UVSSA: variants seen among roughly 807,000 people sequenced by gnomAD.
The protein encoded by UVSSA is UV stimulated scaffold protein A.
A neutral mutation model predicts 73.9 loss-of-function variants in UVSSA; 72 were observed. That is an observed-to-expected ratio of 0.97 (90% confidence interval 0.81 to 1.19). The LOEUF is 1.19. Among genes scored for constraint, UVSSA ranks in the 50% most tolerant of loss-of-function variants. UVSSA has a pLI of 0.00. For missense variants in UVSSA, 1,150 were observed against 965.0 expected (o/e 1.19, Z -2.54); for synonymous variants, 454 against 391.3 (o/e 1.16, Z -1.89).
chr4:1,379,799 C>CCACAGTGTTG (rs1560481645), intron 10 of UVSSA, among the ~76,000 whole-genome samples: 3 of 38,140 alleles, frequency 7.9e-5, no homozygotes, highest in Non-Finnish European at 1.2e-4. Context: ...TGCCCGTGGT[C>CCACAGTGTTG]GCGCGGCTGG....
At chr4:1,380,836 G>A in intron 11 of UVSSA, 44 bp from the exon 12 acceptor site, 1 of 1,598,844 alleles carries the variant, frequency 6.3e-7, no homozygotes, top group Non-Finnish European at 8.5e-7. Flanking sequence ...GTCAAGGCAA[G>A]CGGACCCCTC....
chr4:1,363,823 A>T (rs1358004633), intron 7 of UVSSA, among the ~76,000 whole-genome samples: 1 of 152,256 alleles, frequency 6.6e-6, no homozygotes, highest in South Asian at 2.1e-4. Context: ...CCTTTTGATC[A>T]GTGTTAGACT....
chr4:1,372,462 A>G (rs1434214528), intron 8 of UVSSA, among the ~76,000 whole-genome samples: 1 of 152,120 alleles, frequency 6.6e-6, no homozygotes, highest in Non-Finnish European at 1.5e-5. Context: ...TTCATTGTAG[A>G]AAGGATTTAC....
In UVSSA at chr4:1,366,332, G is replaced by GTC. The variant is rs758685885; in HGVS notation, c.1189_1190insTC (p.Gly397ValfsTer188). The GTC allele has an allele frequency of 6.2e-7, 1 of 1,612,624 alleles. No individual in the cohort carries two copies. The highest frequency in any genetic ancestry group is 1.1e-5 in the South Asian group (1 of 90,954). ...TGTTTTTCCACAGACAGAAGCCCTG[G>GTC]GGGATGCGGAGGAAGATGAGGACGA... On this transcript the variant is annotated frameshift_variant, in exon 8 of 14. Coordinates refer to ENST00000389851, the MANE Select transcript of UVSSA (RefSeq NM_020894.4). LOFTEE classifies it high-confidence loss of function.
chr4:1,346,284 G>A (rs1245228781), upstream of UVSSA, among the ~76,000 whole-genome samples: 3 of 152,178 alleles, frequency 2.0e-5, no homozygotes, highest in African/African-American at 7.2e-5. Context: ...AGAAACCCCG[G>A]CCCGCCGCCG....
chr4:1,372,166 G>A (rs1370530187), intron 8 of UVSSA, among the ~76,000 whole-genome samples: 5 of 151,586 alleles, frequency 3.3e-5, no homozygotes, highest in Admixed American at 6.6e-5. Context: ...ATCTTTTTTC[G>A]TCCCTTTATT....
chr4:1,369,580 C>T (rs958035405), intron 8 of UVSSA, among the ~76,000 whole-genome samples: 4 of 152,252 alleles, frequency 2.6e-5, no homozygotes, highest in African/African-American at 9.6e-5. Flanking sequence ...CCTTTATCTT[C>T]CCCTTAATCC....
intron 12 of UVSSA, among the ~76,000 whole-genome samples, chr4:1,383,343 TAGTG>T (rs1249996285): frequency 5.9e-5 from 9 of 152,146 alleles, no homozygotes; most frequent in African/African-American, 1.9e-4. Flanking sequence ...ACAGTTTGCC[TAGTG>T]GGGCACGGTC....
At position 1,387,877 on chromosome 4, in the gene UVSSA, G is replaced by A. The variant is rs1382486606; in HGVS notation, c.*1916G>A. The stretch of plus-strand genomic sequence containing the variant: ...AAGTTTTACTTTGTTCTGCTTCAAG[G>A]CTGTTTTGACTCTTCTGCATCTCTT... On this transcript the variant is annotated 3_prime_UTR_variant, in exon 14 of 14. Coordinates refer to ENST00000389851, the MANE Select transcript of UVSSA (RefSeq NM_020894.4). 1 of 151,330 alleles carries A rather than the reference G, an allele frequency of 6.6e-6. No homozygotes were observed. Among genetic ancestry groups the A allele is most frequent in the African/African-American group, 2.4e-5 (1 of 41,122 alleles). The allele number at this position is 151,330 out of a possible 1,614,324, so 9.4% of individuals were successfully genotyped here. A position where few individuals can be genotyped will look rare whatever the true frequency, so the allele number is the denominator to read the frequency against.
Position 1,394,820 on chromosome 4 carries a change from G to A in UVSSA, c.*8859G>A, listed in dbSNP as rs758473609. On this transcript the variant is annotated 3_prime_UTR_variant, in exon 14 of 14. Transcript: ENST00000511216. ...ACCTGCTCACACACGTGCCCATGTGGAGTGCCCGCCTGCTCACGTGCCCAT... is the reference window on the plus strand; with the variant it reads ...ACCTGCTCACACACGTGCCCATGTGAAGTGCCCGCCTGCTCACGTGCCCAT... 1.2e-5 allele frequency: 18 copies of A among 1,513,790 alleles called. 1 individual carries two copies. In the African/African-American group the frequency reaches 2.0e-4, roughly 17 times the overall value. The allele number at this position is 1,513,790 out of a possible 1,614,324, so 93.8% of individuals were successfully genotyped here.
upstream of UVSSA, among the ~76,000 whole-genome samples, chr4:1,346,130 G>A (rs539605631): frequency 6.6e-6 from 1 of 152,296 alleles, no homozygotes; most frequent in South Asian, 2.1e-4. Flanking sequence ...GCGGCGCAGG[G>A]AGTCCCTCTT....
intron 4 of UVSSA, among the ~76,000 whole-genome samples, chr4:1,352,036 G>T (rs538929750): frequency 6.6e-6 from 1 of 152,248 alleles, no homozygotes; most frequent in African/African-American, 2.4e-5. Flanking sequence ...GCGCCCTCTG[G>T]TGGTCACATT....
intron 8 of UVSSA, 197 bp from the exon 9 acceptor site, chr4:1,375,167 T>G: frequency 3.7e-6 from 3 of 802,908 alleles, no homozygotes; most frequent in East Asian, 5.2e-5. Context: ...GCACGCCATG[T>G]TCTGGCAGAG....
At chr4:1,394,292 A>G (rs1720469915) in exon 14 of UVSSA, 4 of 876,160 alleles carry the variant, frequency 4.6e-6, no homozygotes, top group Non-Finnish European at 6.8e-6. Flanking sequence ...TAGTTGAATT[A>G]TCAATCTTTC....
rs572696796 is a variant in UVSSA at position 1,395,423 on chromosome 4, G to A, written c.*9462G>A. ...ATGTGGAGTGCCCGCCTGCTCACACGTGCCGACGTGGAGTGCCCGCCTGCT... is the reference window on the plus strand; with the variant it reads ...ATGTGGAGTGCCCGCCTGCTCACACATGCCGACGTGGAGTGCCCGCCTGCT... On this transcript the variant is annotated 3_prime_UTR_variant, in exon 14 of 14. Coordinates refer to the UVSSA transcript ENST00000511216. The A allele has an allele frequency of 2.1e-5, 31 of 1,506,346 alleles. No homozygotes were observed. Among genetic ancestry groups the A allele is most frequent in the African/African-American group, 3.3e-5 (2 of 60,378 alleles). 93.3% of individuals were successfully genotyped at this position (1,506,346 alleles called of 1,614,324 possible).
At chr4:1,362,573 T>C (rs1716798705) in intron 7 of UVSSA, among the ~76,000 whole-genome samples, 1 of 152,210 alleles carries the variant, frequency 6.6e-6, no homozygotes, top group Non-Finnish European at 1.5e-5. Context: ...ACATAGGGTG[T>C]ATGATCTCCT....
chr4:1,368,414 T>C (rs1717608075), intron 8 of UVSSA, among the ~76,000 whole-genome samples: 1 of 152,338 alleles, frequency 6.6e-6, no homozygotes, highest in African/African-American at 2.4e-5. Context: ...CGAGGTGACT[T>C]TCCCCAAAGA....
chr4:1,380,849 C>G (rs763310669), intron 11 of UVSSA, 31 bp from the exon 12 acceptor site: 1 of 1,602,782 alleles, frequency 6.2e-7, no homozygotes, highest in South Asian at 1.1e-5. Context: ...GACCCCTCCC[C>G]GCCATCAGCC....
At chr4:1,346,497 C>G (rs1577262326), upstream of UVSSA, among the ~76,000 whole-genome samples, 1 of 152,232 alleles carries the variant, frequency 6.6e-6, no homozygotes, top group Admixed American at 6.5e-5. Context: ...GCAGGACGGA[C>G]GGCGCCTCTG....
Sources: allele counts gnomAD v4.1 joint callset (sites outside exome capture counted in the v4.1 genomes callset), GRCh38; gene constraint gnomAD v4.1.1; transcripts MANE v1.5; gene names NCBI Gene and HGNC (gene_info 2026-07-23, HGNC 2026-07-21).